Variants in ABCC2 observed in about 807,000 individuals in gnomAD.
The protein encoded by ABCC2 is ATP binding cassette subfamily C member 2, also known as ATP-binding cassette sub-family C member 2.
In ABCC2, 157 loss-of-function variants were observed where a neutral mutation model predicts 173.4. That is an observed-to-expected ratio of 0.91 (90% CI 0.80 to 1.03). The LOEUF is 1.03. Ranked by LOEUF, ABCC2 falls within the 50% of genes least tolerant of loss-of-function variation. ABCC2 has a pLI of 0.00. For missense variants in ABCC2, 1,822 were observed against 1,852.3 expected, an observed-to-expected ratio of 0.98 and a Z score of 0.30; for synonymous variants, 657 against 693.5, an observed-to-expected ratio of 0.95 and a Z score of 0.83.
In ABCC2 at chr10:99,814,179, GTATGTATACACACA is replaced by G. The variant is rs1564683441; in HGVS notation, c.2094+1037_2094+1050del. 3.1e-5 allele frequency among the ~76,000 whole-genome samples: 3 copies of G among 97,554 alleles called. 1 individual carries two copies. Among genetic ancestry groups the G allele is most frequent in the Non-Finnish European group, 6.4e-5 (3 of 46,512 alleles). The allele number at this position is 97,554 out of a possible 152,430, so 64.0% of individuals were successfully genotyped here. On this transcript the variant is annotated intron_variant, in intron 16 of 31. Transcript: ENST00000647814. Reference sequence around the variant, plus strand: ...TATACACACGTATATATACACACATGTATGTATACACACATGTGTATATATACACACATGTGTAT... The same window carrying G: ...TATACACACGTATATATACACACATGTGTGTATATATACACACATGTGTAT...
In ABCC2 at chr10:99,799,228, A is replaced by G. The variant is rs778413437; in HGVS notation, c.889A>G (p.Lys297Glu). The G allele has an allele frequency of 1.4e-5, 22 of 1,614,018 alleles. No homozygotes were observed. The highest frequency in any genetic ancestry group is 1.8e-5 in the Non-Finnish European group (21 of 1,180,026). Reference protein sequence around the residue: ...LVLEDVEKKKKKSGTKKDVPK... With the variant: ...LVLEDVEKKKEKSGTKKDVPK... Reference sequence around the variant, plus strand: ...CTAGGAAGATGTTGAAAAGAAAAAAAAGAAGTCTGGGACCAAAAAAGATGT... The same window carrying G: ...CTAGGAAGATGTTGAAAAGAAAAAAGAGAAGTCTGGGACCAAAAAAGATGT... The change falls in exon 8 of 32, where the codon AAG (lysine) becomes GAG (glutamate). Residue 297 changes from lysine to glutamate, a missense_variant. Transcript: ENST00000647814.
chr10:99,792,757 CA>C (rs2037830632), intron 3 of ABCC2, among the ~76,000 whole-genome samples: 2 of 152,108 alleles, frequency 1.3e-5, no homozygotes, highest in African/African-American at 4.8e-5. Flanking sequence ...AACTTGATAT[CA>C]AAAAACTAAT....
At chr10:99,802,217 G>A (rs760393576) in intron 9 of ABCC2, among the ~76,000 whole-genome samples, 7 of 152,046 alleles carry the variant, frequency 4.6e-5, no homozygotes, top group Admixed American at 3.3e-4. Context: ...AATAAATATC[G>A]CTATTAGAAG....
rs771234305 is a variant in ABCC2, at chr10:99,793,639, T to A, written c.422T>A (p.Leu141His). ...TCCCTATTCTGGATTCTCTCGATACTCTGTGGCACTTTCCAATTTCAGACT... is the reference window on the plus strand; with the variant it reads ...TCCCTATTCTGGATTCTCTCGATACACTGTGGCACTTTCCAATTTCAGACT... Reference protein sequence around the residue: ...FLSLFWILSILCGTFQFQTLI... With the variant: ...FLSLFWILSIHCGTFQFQTLI... Residue 141 changes from leucine (L) to histidine (H), a missense_variant, in exon 4 of 32, where the codon CTC becomes CAC. Leu to His is a moderately conservative substitution (Grantham distance 99, BLOSUM62 -3). Coordinates refer to ENST00000647814, the MANE Select transcript of ABCC2 (RefSeq NM_000392.5). The A allele has an allele frequency of 3.7e-5, 60 of 1,614,022 alleles. No individual in the cohort carries two copies. The highest frequency in any genetic ancestry group is 4.7e-5 in the Non-Finnish European group (56 of 1,180,020).
chr10:99,846,875 C>T, intron 29 of ABCC2, 86 bp from the exon 30 acceptor site: 1 of 1,551,222 alleles, frequency 6.4e-7, no homozygotes, highest in Non-Finnish European at 8.9e-7. Context: ...TCAGGCCAGT[C>T]CTATCCACCA....
chr10:99,792,109 A>AAAAT, intron 2 of ABCC2, 125 bp from the exon 3 acceptor site: 2 of 1,241,528 alleles, frequency 1.6e-6, no homozygotes, highest in Non-Finnish European at 2.3e-6. Context: ...TTCTTTCCAG[A>AAAAT]AATATTTATT....
chr10:99,802,252 A>G (rs1419651460), intron 9 of ABCC2, among the ~76,000 whole-genome samples: 1 of 152,232 alleles, frequency 6.6e-6, no homozygotes, highest in Non-Finnish European at 1.5e-5. Context: ...ACTAATTTAT[A>G]TGTTTAGACA....
chr10:99,841,153 C>G (rs920741223), intron 25 of ABCC2, among the ~76,000 whole-genome samples: 1 of 152,148 alleles, frequency 6.6e-6, no homozygotes, highest in Non-Finnish European at 1.5e-5. Flanking sequence ...AAACAGGGCA[C>G]GTTGACCCTT....
chr10:99,851,824 G>T lies in ABCC2; in HGVS notation c.*193G>T, dbSNP rs1483551697. ...CAGGTACTTGAGAAACCCCTCGATT[G>T]TCTACCTCGATCGTACTTCCTTGCT... On this transcript the variant is annotated 3_prime_UTR_variant, in exon 32 of 32. Coordinates refer to ENST00000647814, the MANE Select transcript of ABCC2 (RefSeq NM_000392.5). 8 of 520,768 alleles carry T rather than the reference G, an allele frequency of 1.5e-5. No individual in the cohort carries two copies. The highest frequency in any genetic ancestry group is 2.6e-5 in the Non-Finnish European group (8 of 309,076). 32.3% of individuals were successfully genotyped at this position (520,768 alleles called of 1,614,324 possible).
chr10:99,806,077 C>CTGTG (rs10559742), intron 11 of ABCC2, among the ~76,000 whole-genome samples: 48 of 148,146 alleles, frequency 3.2e-4, no homozygotes, highest in African/African-American at 7.0e-4. Context: ...CTCTCTCTGT[C>CTGTG]TGTGTGTGTG....
rs1448868805 is a variant in ABCC2, at chr10:99,851,944, AAAC to A, written c.*318_*320del. On this transcript the variant is annotated 3_prime_UTR_variant, in exon 32 of 32. Transcript: ENST00000647814. ...TTTTATCACCTTTGTATGTATCTTT[AAAC>A]AACATATACCCTTTTTTACTTATGT... The A allele has an allele frequency of 3.8e-6, 1 of 262,668 alleles. No individual in the cohort carries two copies. 16.3% of individuals were successfully genotyped at this position (262,668 alleles called of 1,614,324 possible).
chr10:99,795,677 C>T (rs1249618129), intron 6 of ABCC2, among the ~76,000 whole-genome samples: 8 of 139,748 alleles, frequency 5.7e-5, no homozygotes, highest in African/African-American at 1.1e-4. Context: ...CCAGTCTGGG[C>T]GACAAGAGCA....
chr10:99,823,627 C>A (rs2038578211), intron 19 of ABCC2, among the ~76,000 whole-genome samples: 1 of 147,410 alleles, frequency 6.8e-6, no homozygotes, highest in Non-Finnish European at 1.5e-5. Flanking sequence ...GTGTAAGCTG[C>A]TTTTCCATTG....
At chr10:99,812,241 T>C (rs1437130695) in intron 15 of ABCC2, among the ~76,000 whole-genome samples, 2 of 152,178 alleles carry the variant, frequency 1.3e-5, no homozygotes, top group African/African-American at 2.4e-5. Flanking sequence ...CCAGGATGAG[T>C]TGGGGCAGGA....
rs140345019 is a variant in ABCC2 at position 99,836,143 on chromosome 10, G to A, written c.3467G>A (p.Arg1156Lys). The A allele has an allele frequency of 8.1e-6, 13 of 1,614,030 alleles. No individual in the cohort carries two copies. In the African/African-American group the frequency reaches 1.7e-4, roughly 22 times the overall value. The change falls in exon 25 of 32, where the codon AGG (arginine) becomes AAG (lysine). Residue 1156 changes from arginine to lysine, a missense_variant. Arg to Lys is a conservative substitution (Grantham distance 26). Transcript: ENST00000647814. ...CTGAGGCGTCTGGACTCTGTCACCAGGTCCCCAATCTACTCTCACTTCAGC... is the reference window on the plus strand; with the variant it reads ...CTGAGGCGTCTGGACTCTGTCACCAAGTCCCCAATCTACTCTCACTTCAGC... Reference protein sequence around the residue: ...RQLRRLDSVTRSPIYSHFSET... With the variant: ...RQLRRLDSVTKSPIYSHFSET...
intron 9 of ABCC2, 102 bp downstream of exon 9, chr10:99,800,665 C>G: frequency 7.4e-7 from 1 of 1,344,490 alleles, no homozygotes; most frequent in Non-Finnish European, 1.1e-6. Flanking sequence ...TAACTTATCT[C>G]AACACTTAAT....
chr10:99,843,358 A>G (rs201462314), intron 26 of ABCC2, among the ~76,000 whole-genome samples: 7 of 152,204 alleles, frequency 4.6e-5, no homozygotes, highest in African/African-American at 1.7e-4. Flanking sequence ...CATTTGCTCA[A>G]CAAGAACTCT....
chr10:99,790,624 A>T (rs1319320344), intron 2 of ABCC2, among the ~76,000 whole-genome samples: 1 of 152,082 alleles, frequency 6.6e-6, no homozygotes, highest in Non-Finnish European at 1.5e-5. Context: ...TTACCTCCTA[A>T]TTTACCTAAA....
chr10:99,836,858 A>C (rs1421812300), intron 25 of ABCC2, among the ~76,000 whole-genome samples: 2 of 152,226 alleles, frequency 1.3e-5, no homozygotes, highest in Non-Finnish European at 2.9e-5. Flanking sequence ...CCTGGCAAGC[A>C]GTATGTCCTG....
Sources: allele counts gnomAD v4.1 joint callset (sites outside exome capture counted in the v4.1 genomes callset), GRCh38; gene constraint gnomAD v4.1.1; transcripts MANE v1.5; gene names NCBI Gene and HGNC (gene_info 2026-07-23, HGNC 2026-07-21).